The following EPHB1 variants were observed in gnomAD, a reference collection of about 807,000 sequenced individuals.
EPHB1 encodes EPH receptor B1.
EPHB1 carries 30 observed loss-of-function variants against 94.4 expected under a neutral mutation model. That is an observed-to-expected ratio of 0.32 (90% CI 0.24 to 0.43). EPHB1 has a LOEUF of 0.43. EPHB1 is among the 20% of genes least tolerant of loss of function. The pLI is 1.00. For synonymous variants in EPHB1, 522 were observed against 489.1 expected, an observed-to-expected ratio of 1.07 and a Z score of -0.89; for missense variants, 1,055 against 1,308.3, an observed-to-expected ratio of 0.81 and a Z score of 2.99.
At chr3:134,933,436 G>A (rs1242408673) in intron 2 of EPHB1, among the ~76,000 whole-genome samples, 1 of 146,512 alleles carries the variant, frequency 6.8e-6, no homozygotes, top group Non-Finnish European at 1.5e-5. Context: ...CTGAGGTACC[G>A]TGTCCATTCC....
At chr3:135,150,988 G>C (rs1157251239) in intron 5 of EPHB1, among the ~76,000 whole-genome samples, 2 of 152,148 alleles carry the variant, frequency 1.3e-5, no homozygotes, top group Non-Finnish European at 2.9e-5. Context: ...AACCCTTGTA[G>C]TCACTTGACT....
chr3:134,898,367 G>A (rs2038127994), intron 1 of EPHB1, among the ~76,000 whole-genome samples: 1 of 152,154 alleles, frequency 6.6e-6, no homozygotes, highest in Non-Finnish European at 1.5e-5. Flanking sequence ...AGCTGAGTGT[G>A]TAGGATTTCC....
intron 1 of EPHB1, among the ~76,000 whole-genome samples, chr3:134,806,017 A>G (rs539675045): frequency 6.6e-6 from 1 of 152,308 alleles, no homozygotes; most frequent in South Asian, 2.1e-4. Flanking sequence ...AGCACATGGC[A>G]CATAGGAGGT....
chr3:134,927,605 C>T (rs2107703159), intron 2 of EPHB1, among the ~76,000 whole-genome samples: 1 of 152,224 alleles, frequency 6.6e-6, no homozygotes, highest in South Asian at 2.1e-4. Flanking sequence ...TTTACAAGGC[C>T]CCAACATAAT....
At chr3:134,801,715 C>A (rs578060257) in intron 1 of EPHB1, among the ~76,000 whole-genome samples, 24 of 152,338 alleles carry the variant, frequency 1.6e-4, no homozygotes, top group Admixed American at 4.6e-4. Flanking sequence ...TCTTCAGCTT[C>A]TTCTGCAGAT....
chr3:135,253,025 T>G (rs1472379522), intron 15 of EPHB1, among the ~76,000 whole-genome samples: 1 of 150,264 alleles, frequency 6.7e-6, no homozygotes, highest in Non-Finnish European at 1.5e-5. Context: ...TTTTGAGAAG[T>G]GTCTGTTCAT....
chr3:135,203,245 A>C (rs1428918417), intron 12 of EPHB1, among the ~76,000 whole-genome samples: 1 of 152,096 alleles, frequency 6.6e-6, no homozygotes, highest in Non-Finnish European at 1.5e-5. Context: ...GGGGTTTGTC[A>C]GCAGATGAGG....
At chr3:134,955,873 C>T (rs1208217868) in intron 3 of EPHB1, among the ~76,000 whole-genome samples, 1 of 152,170 alleles carries the variant, frequency 6.6e-6, no homozygotes, top group Non-Finnish European at 1.5e-5. Context: ...AAGTTATGCT[C>T]ATAGTGTAGA....
chr3:135,152,766 G>A (rs181234979), intron 5 of EPHB1, among the ~76,000 whole-genome samples: 255 of 152,294 alleles, frequency 1.7e-3, no homozygotes, highest in African/African-American at 6.0e-3. Context: ...CATTGGCTGG[G>A]AGCAGCCTGT....
intron 3 of EPHB1, among the ~76,000 whole-genome samples, chr3:134,976,370 A>G (rs150196947): frequency 6.6e-6 from 1 of 152,350 alleles, no homozygotes; most frequent in East Asian, 1.9e-4. Context: ...CACCTGACTC[A>G]ATAAAGGCAG....
intron 4 of EPHB1, among the ~76,000 whole-genome samples, chr3:135,125,947 G>T (rs945447547): frequency 6.6e-6 from 1 of 152,054 alleles, no homozygotes; most frequent in Non-Finnish European, 1.5e-5. Flanking sequence ...TCTCCAGGGC[G>T]CCTTCCAATC....
intron 12 of EPHB1, among the ~76,000 whole-genome samples, chr3:135,234,493 G>A (rs956149862): frequency 6.6e-6 from 1 of 152,156 alleles, no homozygotes; most frequent in Non-Finnish European, 1.5e-5. Flanking sequence ...CTGTTACTCA[G>A]TTCCAAAGTC....
At chr3:135,062,966 T>G (rs185945901) in intron 3 of EPHB1, among the ~76,000 whole-genome samples, 1 of 152,344 alleles carries the variant, frequency 6.6e-6, no homozygotes, top group Non-Finnish European at 1.5e-5. Flanking sequence ...TTTATGTTTT[T>G]GTTTGCTTTG....
intron 2 of EPHB1, among the ~76,000 whole-genome samples, chr3:134,929,326 C>T (rs1196224378): frequency 6.6e-6 from 1 of 151,972 alleles, no homozygotes; most frequent in African/African-American, 2.4e-5. Context: ...GTCCAGGTAG[C>T]AGGTGTTGAG....
chr3:134,966,107 G>A (rs1183193761), intron 3 of EPHB1, among the ~76,000 whole-genome samples: 3 of 152,170 alleles, frequency 2.0e-5, no homozygotes, highest in African/African-American at 4.8e-5. Context: ...CCATCTGCTC[G>A]CTCCTTTCAC....
Position 135,259,447 on chromosome 3 carries a change from C to A in EPHB1, c.*327C>A. 1 of 232,072 alleles carries A rather than the reference C, an allele frequency of 4.3e-6. No individual in the cohort carries two copies. The highest frequency in any genetic ancestry group is 8.5e-6 in the Non-Finnish European group (1 of 117,710). 14.4% of individuals were successfully genotyped at this position (232,072 alleles called of 1,614,324 possible). On this transcript the variant is annotated 3_prime_UTR_variant, in exon 16 of 16. Coordinates refer to ENST00000398015, the MANE Select transcript of EPHB1 (RefSeq NM_004441.5). Reference sequence around the variant, plus strand: ...TTCTCAGTGGGCTGCAGTTGCCCAACCACAGGAAGAAAGGGAAGGAGGTAG... The same window carrying A: ...TTCTCAGTGGGCTGCAGTTGCCCAAACACAGGAAGAAAGGGAAGGAGGTAG...
intron 12 of EPHB1, among the ~76,000 whole-genome samples, chr3:135,211,697 G>GCA (rs1254310859): frequency 1.3e-5 from 2 of 152,016 alleles, no homozygotes; most frequent in African/African-American, 4.8e-5. Flanking sequence ...ATATAAGTAT[G>GCA]CACACACACA....
intron 3 of EPHB1, among the ~76,000 whole-genome samples, chr3:135,069,490 T>C (rs1263325683): frequency 6.6e-6 from 1 of 152,146 alleles, no homozygotes; most frequent in Non-Finnish European, 1.5e-5. Context: ...CAGGCAAATA[T>C]GCTGGCTCCC....
At chr3:135,205,342 A>G (rs1341256238) in intron 12 of EPHB1, among the ~76,000 whole-genome samples, 1 of 152,178 alleles carries the variant, frequency 6.6e-6, no homozygotes, top group Non-Finnish European at 1.5e-5. Flanking sequence ...TATTACAGAC[A>G]TTACTCCTTT....
Sources: allele counts gnomAD v4.1 joint callset (sites outside exome capture counted in the v4.1 genomes callset), GRCh38; gene constraint gnomAD v4.1.1; transcripts MANE v1.5; gene names NCBI Gene and HGNC (gene_info 2026-07-23, HGNC 2026-07-21).